Variants in UBE2E2 observed in about 807,000 individuals in gnomAD.
UBE2E2 encodes the protein ubiquitin-conjugating enzyme E2 E2.
A neutral mutation model predicts 24.7 loss-of-function variants in UBE2E2; 6 were observed. The observed-to-expected ratio is 0.24, with a 90% confidence interval of 0.13 to 0.48. The LOEUF (loss-of-function observed/expected upper bound fraction) is 0.48. Ranked by LOEUF, UBE2E2 falls within the 20% of genes least tolerant of loss-of-function variation. UBE2E2 has a pLI of 0.99. For synonymous variants in UBE2E2, 104 were observed against 83.6 expected, an observed-to-expected ratio of 1.24 and a Z score of -1.33; for missense variants, 169 against 245.0, an observed-to-expected ratio of 0.69 and a Z score of 2.07.
At chr3:23,269,324 A>G (rs1249687011) in intron 3 of UBE2E2, among the ~76,000 whole-genome samples, 1 of 152,258 alleles carries the variant, frequency 6.6e-6, no homozygotes, top group African/African-American at 2.4e-5. Context: ...GCTAATATCC[A>G]GAATCTACAA....
At chr3:23,272,918 T>C (rs920232768) in intron 3 of UBE2E2, among the ~76,000 whole-genome samples, 2 of 152,216 alleles carry the variant, frequency 1.3e-5, no homozygotes, top group Middle Eastern at 3.4e-3. Flanking sequence ...AAGACTGATA[T>C]TCCATTTCAA....
chr3:23,329,505 G>T (rs1486082147), intron 3 of UBE2E2, among the ~76,000 whole-genome samples: 2 of 152,252 alleles, frequency 1.3e-5, no homozygotes, highest in Non-Finnish European at 2.9e-5. Flanking sequence ...GGTTGTAAAT[G>T]AATTGACGCA....
chr3:23,567,562 A>C (rs921087123), intron 5 of UBE2E2, among the ~76,000 whole-genome samples: 3 of 152,216 alleles, frequency 2.0e-5, no homozygotes, highest in African/African-American at 7.2e-5. Context: ...TTCAAAGCCA[A>C]GACAGCTGTA....
chr3:23,303,796 A>G (rs1458070244), intron 3 of UBE2E2, among the ~76,000 whole-genome samples: 1 of 152,176 alleles, frequency 6.6e-6, no homozygotes, highest in Admixed American at 6.5e-5. Flanking sequence ...TGTTTCATCT[A>G]CTCAAGTCTG....
chr3:23,343,548 C>G (rs933606125), intron 3 of UBE2E2, among the ~76,000 whole-genome samples: 3 of 152,004 alleles, frequency 2.0e-5, no homozygotes, highest in African/African-American at 7.3e-5. Flanking sequence ...TACACTCTAG[C>G]CGGGGCGACA....
chr3:23,399,338 T>C (rs1697159618), intron 3 of UBE2E2, among the ~76,000 whole-genome samples: 1 of 152,158 alleles, frequency 6.6e-6, no homozygotes, highest in Admixed American at 6.6e-5. Flanking sequence ...CACTGAGATA[T>C]CCTGATAACT....
chr3:23,420,226 G>A, intron 3 of UBE2E2, among the ~76,000 whole-genome samples: 1 of 152,152 alleles, frequency 6.6e-6, no homozygotes, highest in East Asian at 1.9e-4. Flanking sequence ...CATAGCATCT[G>A]ACACAGTGCA....
intron 3 of UBE2E2, among the ~76,000 whole-genome samples, chr3:23,380,172 T>G (rs1356139208): frequency 6.6e-6 from 1 of 151,932 alleles, no homozygotes; most frequent in Non-Finnish European, 1.5e-5. Flanking sequence ...GCTATACTCT[T>G]GTGGTAGTGA....
At chr3:23,402,352 G>C (rs1697247600) in intron 3 of UBE2E2, among the ~76,000 whole-genome samples, 1 of 152,200 alleles carries the variant, frequency 6.6e-6, no homozygotes, top group African/African-American at 2.4e-5. Context: ...TACTTCAGGA[G>C]ATAAGTTTGC....
intron 3 of UBE2E2, among the ~76,000 whole-genome samples, chr3:23,393,832 C>T (rs1474828386): frequency 6.6e-6 from 1 of 152,092 alleles, no homozygotes; most frequent in African/African-American, 2.4e-5. Context: ...ATGAAATTCA[C>T]ATTTTAATAT....
At chr3:23,430,772 C>T (rs966976237) in intron 3 of UBE2E2, among the ~76,000 whole-genome samples, 5 of 152,158 alleles carry the variant, frequency 3.3e-5, no homozygotes, top group African/African-American at 1.2e-4. Context: ...CCTCCTACCT[C>T]AGCCTTCCAA....
intron 1 of UBE2E2, chr3:23,204,834 G>T: frequency 1.2e-6 from 1 of 833,118 alleles, no homozygotes; most frequent in Non-Finnish European, 1.4e-6. Flanking sequence ...TAGGAAGACA[G>T]CAAGACATAT....
At chr3:23,466,779 G>C (rs547163199) in intron 3 of UBE2E2, among the ~76,000 whole-genome samples, 8 of 152,046 alleles carry the variant, frequency 5.3e-5, no homozygotes, top group African/African-American at 1.9e-4. Flanking sequence ...ATATTGGCCA[G>C]GCTGGTCTCG....
intron 3 of UBE2E2, among the ~76,000 whole-genome samples, chr3:23,354,974 C>G (rs1372124304): frequency 6.6e-6 from 1 of 151,974 alleles, no homozygotes; most frequent in African/African-American, 2.4e-5. Flanking sequence ...GACTTGGAAC[C>G]AACCCAAATG....
intron 3 of UBE2E2, among the ~76,000 whole-genome samples, chr3:23,242,938 T>G (rs896414426): frequency 6.6e-6 from 1 of 151,706 alleles, no homozygotes; most frequent in Non-Finnish European, 1.5e-5. Flanking sequence ...ACACAAAACT[T>G]AGGTGGGTGT....
intron 3 of UBE2E2, among the ~76,000 whole-genome samples, chr3:23,230,524 C>G (rs947985295): frequency 2.0e-5 from 3 of 152,128 alleles, no homozygotes; most frequent in African/African-American, 7.2e-5. Context: ...GGGGCTCATG[C>G]CTATAATCCC....
chr3:23,224,156 G>GTTTTTTT (rs531661466), intron 3 of UBE2E2, among the ~76,000 whole-genome samples: 5 of 93,718 alleles, frequency 5.3e-5, no homozygotes, highest in Non-Finnish European at 8.0e-5. Context: ...TAAATTTTAG[G>GTTTTTTT]TTTTTTTTTT....
At chr3:23,427,491 T>TA (rs1224468832) in intron 3 of UBE2E2, among the ~76,000 whole-genome samples, 1 of 151,860 alleles carries the variant, frequency 6.6e-6, no homozygotes, top group Non-Finnish European at 1.5e-5. Flanking sequence ...GGAGTGAAAG[T>TA]AAAAAATAGG....
In UBE2E2 at chr3:23,349,678, G is replaced by C. The variant is rs536922921; in HGVS notation, c.227+132366G>C. Among the ~76,000 whole-genome samples, 11 of 152,352 alleles carry C rather than the reference G, an allele frequency of 7.2e-5. No homozygotes were observed. The East Asian group carries it at 2.1e-3, about 29-fold the overall frequency. On this transcript the variant is annotated intron_variant, in intron 3 of 5. Coordinates refer to ENST00000396703, the MANE Select transcript of UBE2E2 (RefSeq NM_152653.4). ...AACTGCGAGGCAGCAGCGAGGCTAGGGGAGGGGCGCCCGCCATTGCCCAGG... is the reference window on the plus strand; with the variant it reads ...AACTGCGAGGCAGCAGCGAGGCTAGCGGAGGGGCGCCCGCCATTGCCCAGG...
Sources: gnomAD v4.1 joint callset for allele counts (sites outside exome capture counted in the v4.1 genomes callset) on GRCh38, gnomAD v4.1.1 for gene constraint, MANE v1.5 for transcripts, NCBI Gene and HGNC (gene_info 2026-07-23, HGNC 2026-07-21) for gene names.